Variants in GDAP1L1 observed in about 807,000 individuals in gnomAD.
GDAP1L1 encodes the protein ganglioside induced differentiation associated protein 1 like 1, also known as ganglioside-induced differentiation-associated protein 1-like 1.
Under a neutral mutation model 37.1 loss-of-function variants are expected in GDAP1L1, and 21 were observed. That is an observed-to-expected ratio of 0.57 (90% CI 0.40 to 0.81). GDAP1L1 has a LOEUF of 0.81. Ranked by LOEUF, GDAP1L1 falls within the 40% of genes least tolerant of loss-of-function variation. The pLI is 0.00. For missense variants in GDAP1L1, 362 were observed against 491.6 expected (o/e 0.74, Z 2.49); for synonymous variants, 193 against 209.1 (o/e 0.92, Z 0.67).
intron 1 of GDAP1L1, among the ~76,000 whole-genome samples, chr20:44,252,684 A>G (rs1385773750): frequency 9.2e-5 from 14 of 152,154 alleles, no homozygotes; most frequent in Admixed American, 8.5e-4. Context: ...TTAGCTAGGC[A>G]TGGTGGTGCA....
At chr20:44,274,899 G>T (rs557520517) in intron 5 of GDAP1L1, among the ~76,000 whole-genome samples, 3 of 152,052 alleles carry the variant, frequency 2.0e-5, no homozygotes, top group Non-Finnish European at 4.4e-5. Context: ...TTGTTTGTTT[G>T]TTTGTTAGTT....
At chr20:44,266,412 G>T (rs2073762852) in intron 5 of GDAP1L1, among the ~76,000 whole-genome samples, 1 of 151,602 alleles carries the variant, frequency 6.6e-6, no homozygotes, top group Admixed American at 6.6e-5. Context: ...CAAAAGGCTT[G>T]GTAGTTCAGA....
At chr20:44,257,442 G>A in intron 2 of GDAP1L1, 97 bp downstream of exon 2, 2 of 1,243,398 alleles carry the variant, frequency 1.6e-6, no homozygotes, top group Admixed American at 2.5e-5. Context: ...GGGAAGTCTG[G>A]GAAATTCACT....
In GDAP1L1 at chr20:44,279,029, A is replaced by C. The variant is rs752147315; in HGVS notation, c.833A>C (p.His278Pro). 1 of 1,614,062 alleles carries C rather than the reference A, an allele frequency of 6.2e-7. No homozygotes were observed. Among genetic ancestry groups the C allele is most frequent in the Non-Finnish European group, 8.5e-7 (1 of 1,179,986 alleles). Residue 278 changes from histidine to proline, a missense_variant, in exon 6 of 6, where the codon CAC (histidine) becomes CCC (proline). Physicochemically the swap from His to Pro is moderately conservative, Grantham distance 77. Around this residue, in one of 2 missense-constraint regions of GDAP1L1, gnomAD observed 85 missense variants for 154.4 expected, o/e 0.55. Coordinates refer to ENST00000342560, the MANE Select transcript of GDAP1L1 (RefSeq NM_024034.6). ...LADVLLGATL[H>P]RLKFLGLSKK... ...GATGTCCTCCTGGGAGCCACCCTGC[A>C]CCGCCTCAAGTTCCTGGGACTGTCC...
intron 3 of GDAP1L1, among the ~76,000 whole-genome samples, chr20:44,259,786 C>A (rs1433061141): frequency 6.6e-6 from 1 of 152,104 alleles, no homozygotes; most frequent in Non-Finnish European, 1.5e-5. Context: ...CATGAGCCAC[C>A]ATATGTGGCC....
intron 3 of GDAP1L1, among the ~76,000 whole-genome samples, chr20:44,259,335 C>CCTGAAGATT (rs772889435): frequency 6.6e-6 from 1 of 152,108 alleles, no homozygotes. Flanking sequence ...CCAAAAGACA[C>CCTGAAGATT]CTGAAGATTC....
chr20:44,258,534 G>C lies in GDAP1L1; in HGVS notation c.474G>C (p.Thr158=). The C allele has an allele frequency of 6.3e-7, 1 of 1,583,694 alleles. No individual in the cohort carries two copies. Among genetic ancestry groups the C allele is most frequent in the South Asian group, 1.2e-5 (1 of 86,260 alleles). Residue 158 remains threonine (T), a synonymous_variant, in exon 3 of 6, where the codon ACG becomes ACC. Transcript: ENST00000342560. ...LLDALPMDAY[T]HGCILHPELT... ...ACGCACTGCCCATGGATGCCTACAC[G>C]CATGGCTGCATCCTGCATCCCGAGC...
At chr20:44,276,197 T>C (rs1366575041) in intron 5 of GDAP1L1, among the ~76,000 whole-genome samples, 1 of 149,328 alleles carries the variant, frequency 6.7e-6, no homozygotes, top group Non-Finnish European at 1.5e-5. Context: ...TAGCCAGGCA[T>C]GATGGTGCAT....
chr20:44,265,108 A>C, intron 5 of GDAP1L1: 1 of 985,276 alleles, frequency 1.0e-6, no homozygotes, highest in Non-Finnish European at 1.2e-6. Flanking sequence ...GCCACTACCC[A>C]CCACACCATC....
chr20:44,272,838 G>A (rs1349187921), intron 5 of GDAP1L1, among the ~76,000 whole-genome samples: 1 of 152,214 alleles, frequency 6.6e-6, no homozygotes, highest in Non-Finnish European at 1.5e-5. Flanking sequence ...TCACATGTGT[G>A]GTAATCCCAC....
At chr20:44,251,989 C>A (rs1269581598) in intron 1 of GDAP1L1, among the ~76,000 whole-genome samples, 1 of 152,168 alleles carries the variant, frequency 6.6e-6, no homozygotes, top group Non-Finnish European at 1.5e-5. Flanking sequence ...TATTTTGAGA[C>A]AACTGCAACA....
rs577903187 is a variant in GDAP1L1, at chr20:44,263,068, A to G, written c.548-162A>G. Among the ~76,000 whole-genome samples, 20 of 152,274 alleles carry G rather than the reference A, an allele frequency of 1.3e-4. No homozygotes were observed. The South Asian group carries it at 3.7e-3, about 28-fold the overall frequency. ...CTCAGGGCAGGATGGCATCTCATCC[A>G]TCACTACGGCACAGCCTGCAGTGCT... On this transcript the variant is annotated intron_variant, in intron 3 of 5. Coordinates refer to ENST00000342560, the MANE Select transcript of GDAP1L1 (RefSeq NM_024034.6).
At chr20:44,276,257 C>A (rs2062572049) in intron 5 of GDAP1L1, among the ~76,000 whole-genome samples, 1 of 151,298 alleles carries the variant, frequency 6.6e-6, no homozygotes, top group Admixed American at 6.6e-5. Context: ...ATTGTTTGAA[C>A]CCTGGAGGTG....
Position 44,247,536 on chromosome 20 carries a change from C to A in GDAP1L1, c.180+22C>A, listed in dbSNP as rs114191782. ...GAAGGTAGAGCCGGGCCGGGAGCCG[C>A]CTGCGCCGGTGGCCAGGAAGCTTGG... On this transcript the variant is annotated intron_variant, in intron 1 of 5. Transcript: ENST00000342560. 2,269 of 1,472,528 alleles carry A rather than the reference C, an allele frequency of 1.5e-3. 34 individuals are homozygous for A. In the African/African-American group the frequency reaches 0.027, roughly 18 times the overall value. 91.2% of individuals were successfully genotyped at this position (1,472,528 alleles called of 1,614,324 possible). A position where few individuals can be genotyped will look rare whatever the true frequency, so the allele number is the denominator to read the frequency against.
chr20:44,254,116 C>G (rs902959058), intron 1 of GDAP1L1, among the ~76,000 whole-genome samples: 3 of 152,234 alleles, frequency 2.0e-5, no homozygotes, highest in Admixed American at 2.0e-4. Flanking sequence ...CTCCACTACT[C>G]TGGGCTTCTC....
intron 1 of GDAP1L1, among the ~76,000 whole-genome samples, chr20:44,256,295 C>T (rs373813391): frequency 2.0e-5 from 3 of 152,062 alleles, no homozygotes; most frequent in Admixed American, 6.6e-5. Context: ...ATAAAGGGCT[C>T]GACTAATGTT....
At chr20:44,264,847 C>T (rs193072687) in intron 5 of GDAP1L1, 56 of 1,149,782 alleles carry the variant, frequency 4.9e-5, no homozygotes, top group Middle Eastern at 7.3e-4. Context: ...AAATAATACA[C>T]GTAGAGTGCT....
intron 5 of GDAP1L1, among the ~76,000 whole-genome samples, chr20:44,266,075 G>A (rs556721471): frequency 4.7e-4 from 72 of 152,310 alleles, no homozygotes; most frequent in African/African-American, 1.9e-4. Flanking sequence ...TTGGGAGGCC[G>A]AGGCGGGTGG....
Position 44,257,204 on chromosome 20 carries a change from AGCCT to A in GDAP1L1, c.236_239del (p.Leu79HisfsTer51). ...CCTGGTGTGCGAGGAGCGGGACGTG[AGCCT>A]GCCACAGAGCGAGCACAAGGAGCCC... On this transcript the variant is annotated frameshift_variant, in exon 2 of 6. Transcript: ENST00000342560. LOFTEE classifies it high-confidence loss of function. 6.2e-7 allele frequency: 1 copy of A among 1,610,320 alleles called. No homozygotes were observed. Among genetic ancestry groups the A allele is most frequent in the Non-Finnish European group, 8.5e-7 (1 of 1,178,750 alleles).
Sources: gnomAD v4.1 joint callset for allele counts (sites outside exome capture counted in the v4.1 genomes callset) on GRCh38, gnomAD v4.1.1 for gene constraint, gnomAD v4.1.1 regional missense constraint, MANE v1.5 for transcripts, NCBI Gene and HGNC (gene_info 2026-07-23, HGNC 2026-07-21) for gene names.